NFIX: variants seen among roughly 807,000 people sequenced by gnomAD.
The protein encoded by NFIX is nuclear factor 1 X-type.
In NFIX, 2 loss-of-function variants were observed where a neutral mutation model predicts 53.3. The observed-to-expected ratio is 0.04, with a 90% confidence interval of 0.02 to 0.12. The LOEUF (loss-of-function observed/expected upper bound fraction) is 0.12. NFIX is among the 10% of genes least tolerant of loss of function. The probability of loss-of-function intolerance (pLI) is 1.00; values close to 1 mark genes in which losing one functional copy is unlikely to be tolerated. For missense variants in NFIX, 310 were observed against 674.5 expected, an observed-to-expected ratio of 0.46 and a Z score of 5.99; for synonymous variants, 244 against 289.0, an observed-to-expected ratio of 0.84 and a Z score of 1.58.
chr19:13,076,718 A>G (rs926299947), intron 6 of NFIX, among the ~76,000 whole-genome samples: 1 of 152,190 alleles, frequency 6.6e-6, no homozygotes, highest in African/African-American at 2.4e-5. Flanking sequence ...ATATGCCCCT[A>G]CTGGGAAGGG....
rs117637969 is a variant in NFIX at position 13,088,766 on chromosome 19, C to A, written c.1402+630C>A. On this transcript the variant is annotated intron_variant, in intron 9 of 10. Transcript: ENST00000592199. The surrounding 1 kb of genome is among the most constrained non-coding windows in gnomAD (Gnocchi z 5.9). Reference sequence around the variant, plus strand: ...CGTCCCTTCTCCGCAATTCCTTTCCCAGGTTAGATGTTCCAAGGACGAGGG... The same window carrying A: ...CGTCCCTTCTCCGCAATTCCTTTCCAAGGTTAGATGTTCCAAGGACGAGGG... Among the ~76,000 whole-genome samples, 2 of 152,098 alleles carry A rather than the reference C, an allele frequency of 1.3e-5. No homozygotes were observed. The highest frequency in any genetic ancestry group is 2.9e-5 in the Non-Finnish European group (2 of 68,018).
intron 2 of NFIX, among the ~76,000 whole-genome samples, chr19:13,038,654 C>T (rs543463737): frequency 7.4e-4 from 113 of 152,352 alleles, no homozygotes; most frequent in Non-Finnish European, 1.3e-3. Flanking sequence ...TGTTTTTCAC[C>T]TGCCTTTAGT....
At chr19:13,084,517 T>C (rs2017659382) in intron 8 of NFIX, among the ~76,000 whole-genome samples, 1 of 152,186 alleles carries the variant, frequency 6.6e-6, no homozygotes, top group African/African-American at 2.4e-5. Context: ...GGCACACCTA[T>C]AGCCATGGCC....
chr19:13,024,528 G>A, intron 1 of NFIX: 2 of 1,523,124 alleles, frequency 1.3e-6, no homozygotes, highest in Non-Finnish European at 8.8e-7. Context: ...CCGGTGTCGG[G>A]GACCAGAGGC....
In NFIX at chr19:13,081,588, C is replaced by A; in HGVS notation, c.1079-92C>A. On this transcript the variant is annotated intron_variant, in intron 7 of 10. Coordinates refer to ENST00000592199, the MANE Select transcript of NFIX (RefSeq NM_001365902.3). The surrounding 1 kb of genome is among the most constrained non-coding windows in gnomAD (Gnocchi z 4.7). ...CTTACCTGCTCAGGATCCTCAGGAC[C>A]CTCTGACCGGCAGCTCCCCTCCTCT... is the stretch of plus-strand genomic sequence containing the variant. 7.3e-7 allele frequency: 1 copy of A among 1,370,718 alleles called. No homozygotes were observed. The highest frequency in any genetic ancestry group is 1.4e-5 in the African/African-American group (1 of 70,168). The allele number at this position is 1,370,718 out of a possible 1,614,324, so 84.9% of individuals were successfully genotyped here.
At chr19:13,044,543 A>G (rs2014859089) in intron 2 of NFIX, among the ~76,000 whole-genome samples, 1 of 152,132 alleles carries the variant, frequency 6.6e-6, no homozygotes, top group East Asian at 1.9e-4. Context: ...TGTTACTCCT[A>G]TGAGCTGTAG....
rs1017689282 is a variant in NFIX, at chr19:13,051,147, T to G, written c.560-21900T>G. Among the ~76,000 whole-genome samples, 2 of 152,186 alleles carry G rather than the reference T, an allele frequency of 1.3e-5. No homozygotes were observed. The highest frequency in any genetic ancestry group is 6.5e-5 in the Admixed American group (1 of 15,284). Reference sequence around the variant, plus strand: ...CATGGCTTGGGTACTGTGCTGCAGATCTCATCGCTGAAGGTGTGGCTAAGG... The same window carrying G: ...CATGGCTTGGGTACTGTGCTGCAGAGCTCATCGCTGAAGGTGTGGCTAAGG... On this transcript the variant is annotated intron_variant, in intron 2 of 10. Transcript: ENST00000592199. This position sits in a 1 kb window ranked among gnomAD's most constrained non-coding sequence, Gnocchi z 5.1.
rs1285971663 is a variant in NFIX at position 13,045,919 on chromosome 19, A to G, written c.559+20367A>G. 6.6e-6 allele frequency among the ~76,000 whole-genome samples: 1 copy of G among 152,102 alleles called. No individual in the cohort carries two copies. The highest frequency in any genetic ancestry group is 2.4e-5 in the African/African-American group (1 of 41,410). On this transcript the variant is annotated intron_variant, in intron 2 of 10. Transcript: ENST00000592199. This position sits in a 1 kb window ranked among gnomAD's most constrained non-coding sequence, Gnocchi z 4.4. ...CCCATGGACCCCTCCAGGTGGGAGG[A>G]GTCCAGAGGAAGATACGCAGAAATA... is the stretch of plus-strand genomic sequence containing the variant.
intron 1 of NFIX, among the ~76,000 whole-genome samples, chr19:13,007,890 C>T (rs1484522486): frequency 2.6e-5 from 4 of 152,172 alleles, no homozygotes; most frequent in African/African-American, 9.7e-5. Flanking sequence ...TCCAATACCA[C>T]TCCCCCCTCT....
chr19:13,027,454 G>A lies in NFIX; in HGVS notation c.559+1902G>A, dbSNP rs1045551105. 6.6e-6 allele frequency among the ~76,000 whole-genome samples: 1 copy of A among 152,112 alleles called. No homozygotes were observed. Among genetic ancestry groups the A allele is most frequent in the Non-Finnish European group, 1.5e-5 (1 of 68,036 alleles). ...TGGCTTGCAGAAGGCTCGGAGCCTC[G>A]AGCTTACCAGTGTGGCCATCAGATA... On this transcript the variant is annotated intron_variant, in intron 2 of 10. Transcript: ENST00000592199. This position sits in a 1 kb window ranked among gnomAD's most constrained non-coding sequence, Gnocchi z 4.3.
chr19:13,085,634 T>G (rs564009344), intron 8 of NFIX, among the ~76,000 whole-genome samples: 1 of 152,298 alleles, frequency 6.6e-6, no homozygotes, highest in East Asian at 1.9e-4. Context: ...TTGACACATA[T>G]GGGGACCAGC....
intron 8 of NFIX, chr19:13,082,058 TC>T: frequency 1.6e-6 from 1 of 613,038 alleles, no homozygotes; most frequent in Non-Finnish European, 2.8e-6. Flanking sequence ...TCTATCATGG[TC>T]CGGAGAGGTG....
Position 13,072,911 on chromosome 19 carries a change from A to G in NFIX, c.560-136A>G, listed in dbSNP as rs2016850902. ...GGAGCCTCCTGGGGCTGGTTTGGGG[A>G]GAGGGTGGGGTGAAGGTTTCTGTAG... is the stretch of plus-strand genomic sequence containing the variant. On this transcript the variant is annotated intron_variant, in intron 2 of 10. Coordinates refer to ENST00000592199, the MANE Select transcript of NFIX (RefSeq NM_001365902.3). The surrounding 1 kb of genome is among the most constrained non-coding windows in gnomAD (Gnocchi z 4.0). The G allele has an allele frequency of 4.8e-6, 4 of 827,162 alleles. No individual in the cohort carries two copies. The highest frequency in any genetic ancestry group is 1.4e-5 in the South Asian group (1 of 72,250). The allele number at this position is 827,162 out of a possible 1,614,324, so 51.2% of individuals were successfully genotyped here.
chr19:13,028,966 A>G lies in NFIX; in HGVS notation c.559+3414A>G, dbSNP rs910775947. ...AAAAAAAAAATCCAAAGCTAACAAA[A>G]TACTTGAGCGAATGGAACTGTCAGC... On this transcript the variant is annotated intron_variant, in intron 2 of 10. Transcript: ENST00000592199. This position sits in a 1 kb window ranked among gnomAD's most constrained non-coding sequence, Gnocchi z 4.2. Among the ~76,000 whole-genome samples the G allele has an allele frequency of 6.6e-6, 1 of 152,128 alleles. No homozygotes were observed. The highest frequency in any genetic ancestry group is 1.5e-5 in the Non-Finnish European group (1 of 68,002).
At chr19:13,048,301 A>G (rs1460765796) in intron 2 of NFIX, among the ~76,000 whole-genome samples, 12 of 152,136 alleles carry the variant, frequency 7.9e-5, no homozygotes, top group Admixed American at 7.9e-4. Flanking sequence ...GGTACCTCCC[A>G]GTACTCCTGG....
rs2011552530 is a variant in NFIX at position 12,998,522 on chromosome 19, C to T, written c.27+2658C>T. Among the ~76,000 whole-genome samples the T allele has an allele frequency of 6.6e-6, 1 of 152,134 alleles. No individual in the cohort carries two copies. The highest frequency in any genetic ancestry group is 1.5e-5 in the Non-Finnish European group (1 of 67,984). ...TTCAGGGCGGCCGGGTGGGGCGGTT[C>T]CTGGAGCTGCTGGAGTCCATTGTAG... On this transcript the variant is annotated intron_variant, in intron 1 of 10. Coordinates refer to ENST00000592199, the MANE Select transcript of NFIX (RefSeq NM_001365902.3). The surrounding 1 kb of genome is among the most constrained non-coding windows in gnomAD (Gnocchi z 4.4).
chr19:13,004,227 C>T (rs1243735433), intron 1 of NFIX, among the ~76,000 whole-genome samples: 1 of 152,028 alleles, frequency 6.6e-6, no homozygotes, highest in African/African-American at 2.4e-5. Flanking sequence ...GTTGGAAACC[C>T]TGCCATGCAT....
intron 2 of NFIX, among the ~76,000 whole-genome samples, chr19:13,041,999 G>A (rs894886203): frequency 7.9e-5 from 12 of 151,722 alleles, no homozygotes; most frequent in Admixed American, 3.3e-4. Context: ...CCAGATTCAC[G>A]CCATTCTGCT....
At chr19:13,024,413 A>G (rs1275017596) in intron 1 of NFIX, 2 of 932,402 alleles carry the variant, frequency 2.1e-6, no homozygotes, top group African/African-American at 3.6e-5. Flanking sequence ...GGATCAGGAG[A>G]AAAGAAAATG....
Sources: gnomAD v4.1 joint callset for allele counts (sites outside exome capture counted in the v4.1 genomes callset) on GRCh38, gnomAD v4.1.1 for gene constraint, Gnocchi (gnomAD v3.1) non-coding constraint, MANE v1.5 for transcripts, NCBI Gene and HGNC (gene_info 2026-07-23, HGNC 2026-07-21) for gene names.